SHISA9: variants seen among roughly 807,000 people sequenced by gnomAD.
SHISA9 encodes the protein shisa family member 9, also known as protein shisa-9.
In SHISA9, 13 loss-of-function variants were observed where a neutral mutation model predicts 38.0. The ratio of observed to expected loss-of-function variants is 0.34; its 90% CI spans 0.22 to 0.54. The LOEUF is 0.54. Among genes scored for constraint, SHISA9 ranks in the 20% least tolerant of loss-of-function variants. The probability of loss-of-function intolerance (pLI) is 0.91; values close to 1 mark genes in which losing one functional copy is unlikely to be tolerated. For missense variants in SHISA9, 538 were observed against 575.8 expected, an observed-to-expected ratio of 0.93 and a Z score of 0.67; for synonymous variants, 275 against 242.0, an observed-to-expected ratio of 1.14 and a Z score of -1.27.
At chr16:13,443,119 G>A in the SHISA9 span, among the ~76,000 whole-genome samples, 1 of 152,110 alleles carries the variant, frequency 6.6e-6, no homozygotes, top group East Asian at 1.9e-4. Flanking sequence ...ACAACATACT[G>A]TTTTTTCTGG....
chr16:13,305,381 C>G, the SHISA9 span, among the ~76,000 whole-genome samples: 1 of 152,186 alleles, frequency 6.6e-6, no homozygotes, highest in Non-Finnish European at 1.5e-5. Context: ...TATTCAGGCC[C>G]TTGTGTAATC....
the SHISA9 span, among the ~76,000 whole-genome samples, chr16:13,284,975 C>T: frequency 6.6e-6 from 1 of 152,124 alleles, no homozygotes; most frequent in Non-Finnish European, 1.5e-5. Flanking sequence ...TAACTTTCCC[C>T]TCACCCCATG....
At chr16:13,008,675 C>CT (rs1567179974) in intron 2 of SHISA9, among the ~76,000 whole-genome samples, 70 of 125,110 alleles carry the variant, frequency 5.6e-4, no homozygotes, top group African/African-American at 2.2e-3. Flanking sequence ...TCCTCCCTCC[C>CT]TCCCTCTCTC....
chr16:12,928,442 A>G (rs1213128556), intron 2 of SHISA9, among the ~76,000 whole-genome samples: 2 of 152,216 alleles, frequency 1.3e-5, no homozygotes, highest in Non-Finnish European at 2.9e-5. Context: ...CTTAAGGTAC[A>G]CAACCATGAA....
chr16:12,918,787 A>G (rs556982741), intron 2 of SHISA9, among the ~76,000 whole-genome samples: 25 of 152,244 alleles, frequency 1.6e-4, no homozygotes, highest in African/African-American at 5.5e-4. Flanking sequence ...GAATTCTAGA[A>G]GTCATTCTAC....
At chr16:13,213,426 C>T in intron 4 of SHISA9, 126 bp downstream of exon 4, 1 of 816,452 alleles carries the variant, frequency 1.2e-6, no homozygotes, top group Non-Finnish European at 2.0e-6. Context: ...AGGGTGGCAT[C>T]TGCAAGTCCG....
chr16:13,284,443 T>C, the SHISA9 span, among the ~76,000 whole-genome samples: 1 of 152,202 alleles, frequency 6.6e-6, no homozygotes, highest in Non-Finnish European at 1.5e-5. Flanking sequence ...TATATTTAGA[T>C]GTAGTGCTTG....
chr16:12,958,216 A>G (rs779491615), intron 2 of SHISA9, among the ~76,000 whole-genome samples: 4 of 152,226 alleles, frequency 2.6e-5, no homozygotes, highest in Non-Finnish European at 5.9e-5. Flanking sequence ...AATATCTTAA[A>G]GGTAGTGCGG....
At chr16:13,491,036 C>T in the SHISA9 span, among the ~76,000 whole-genome samples, 14 of 152,140 alleles carry the variant, frequency 9.2e-5, no homozygotes, top group African/African-American at 3.4e-4. Flanking sequence ...TTATAATACA[C>T]CCAATACTTT....
At chr16:13,024,501 C>T (rs1370312947) in intron 2 of SHISA9, among the ~76,000 whole-genome samples, 1 of 152,160 alleles carries the variant, frequency 6.6e-6, no homozygotes, top group African/African-American at 2.4e-5. Context: ...GGAGCCAGTC[C>T]CATACATATG....
At chr16:12,944,532 C>T (rs1351083396) in intron 2 of SHISA9, among the ~76,000 whole-genome samples, 3 of 152,084 alleles carry the variant, frequency 2.0e-5, no homozygotes, top group Admixed American at 2.0e-4. Context: ...ACTGGTGAAT[C>T]TTGAACCTGC....
intron 2 of SHISA9, among the ~76,000 whole-genome samples, chr16:13,126,837 G>A (rs1230096726): frequency 1.4e-5 from 2 of 138,548 alleles, no homozygotes; most frequent in Non-Finnish European, 3.2e-5. Context: ...AAGAAAGAGA[G>A]AGAGACTGAG....
chr16:13,277,325 G>T, the SHISA9 span, among the ~76,000 whole-genome samples: 42 of 152,020 alleles, frequency 2.8e-4, no homozygotes, highest in Admixed American at 2.8e-3. Context: ...TGGCCTTATG[G>T]TGTATTTTGA....
At chr16:12,981,369 G>A (rs754597371) in intron 2 of SHISA9, among the ~76,000 whole-genome samples, 27 of 152,344 alleles carry the variant, frequency 1.8e-4, no homozygotes, top group Non-Finnish European at 3.7e-4. Flanking sequence ...GGCAATGGCA[G>A]GGGAGCAGAC....
At chr16:13,249,986 G>T in the SHISA9 span, among the ~76,000 whole-genome samples, 1 of 152,008 alleles carries the variant, frequency 6.6e-6, no homozygotes, top group Admixed American at 6.6e-5. Flanking sequence ...CTTCCGCCTC[G>T]GTCTGCTGAG....
At chr16:13,411,509 A>G in the SHISA9 span, among the ~76,000 whole-genome samples, 1 of 152,380 alleles carries the variant, frequency 6.6e-6, no homozygotes, top group African/African-American at 2.4e-5. Context: ...GTTCATCTAA[A>G]GGCTAGCAGT....
chr16:13,364,737 G>A, the SHISA9 span, among the ~76,000 whole-genome samples: 7 of 152,136 alleles, frequency 4.6e-5, no homozygotes, highest in Non-Finnish European at 8.8e-5. Flanking sequence ...TGGTTTCCCT[G>A]GACGATAATC....
intron 2 of SHISA9, among the ~76,000 whole-genome samples, chr16:13,016,481 G>C (rs1434555836): frequency 6.6e-6 from 1 of 152,174 alleles, no homozygotes; most frequent in African/African-American, 2.4e-5. Context: ...GTTGTGTAAT[G>C]GGCAGTGGTG....
At chr16:13,000,663 C>T (rs934717676) in intron 2 of SHISA9, among the ~76,000 whole-genome samples, 1 of 152,118 alleles carries the variant, frequency 6.6e-6, no homozygotes, top group Non-Finnish European at 1.5e-5. Context: ...GGGGCACTGA[C>T]AGTGTCTGCT....
Sources: allele counts gnomAD v4.1 joint callset (sites outside exome capture counted in the v4.1 genomes callset), GRCh38; gene constraint gnomAD v4.1.1; transcripts MANE v1.5; gene names NCBI Gene and HGNC (gene_info 2026-07-23, HGNC 2026-07-21).